Variants in CACNB2 observed in about 807,000 individuals in gnomAD.
The protein encoded by CACNB2 is voltage-dependent L-type calcium channel subunit beta-2.
CACNB2 carries 42 observed loss-of-function variants against 73.3 expected under a neutral mutation model. The observed-to-expected ratio is 0.57, with a 90% CI of 0.45 to 0.74. The LOEUF is 0.74. Ranked by LOEUF, CACNB2 falls within the 30% of genes least tolerant of loss-of-function variation. The pLI is 0.00. For missense variants in CACNB2, 940 were observed against 853.0 expected (o/e 1.10, Z -1.27); for synonymous variants, 348 against 310.3 (o/e 1.12, Z -1.28).
chr10:18,165,080 C>A lies in CACNB2; in HGVS notation c.213+14105C>A, dbSNP rs561709359. 1.3e-4 allele frequency among the ~76,000 whole-genome samples: 20 copies of A among 152,204 alleles called. No individual in the cohort carries two copies. The South Asian group carries it at 4.1e-3, about 32-fold the overall frequency. On this transcript the variant is annotated intron_variant, in intron 2 of 13. Coordinates refer to ENST00000324631, the MANE Select transcript of CACNB2 (RefSeq NM_201596.3). ...GTGAAGTCCAGCATTACGAGTTCTG[C>A]AAAAGAGCTGAATACAAAAATGTGG...
At chr10:18,225,751 C>T (rs1267574258) in intron 2 of CACNB2, among the ~76,000 whole-genome samples, 7 of 151,984 alleles carry the variant, frequency 4.6e-5, no homozygotes, top group South Asian at 2.1e-4. Flanking sequence ...ATGATCTTCC[C>T]ACCTCAGTCA....
chr10:18,513,485 C>A (rs2050973296), intron 6 of CACNB2: 1 of 288,460 alleles, frequency 3.5e-6, no homozygotes, highest in South Asian at 3.8e-5. Flanking sequence ...ATCTTCAAGT[C>A]CCTCGTCTCC....
At chr10:18,298,713 C>T (rs570354668) in intron 2 of CACNB2, among the ~76,000 whole-genome samples, 11 of 152,272 alleles carry the variant, frequency 7.2e-5, no homozygotes, top group African/African-American at 1.7e-4. Context: ...AGCAGGTCAC[C>T]GGACCTTTCA....
chr10:18,507,342 G>A (rs1288899968), intron 6 of CACNB2, among the ~76,000 whole-genome samples: 3 of 152,178 alleles, frequency 2.0e-5, no homozygotes, highest in African/African-American at 4.8e-5. Flanking sequence ...ATGAAAATGT[G>A]TGTGGGAACA....
intron 2 of CACNB2, among the ~76,000 whole-genome samples, chr10:18,364,593 C>T (rs1453161715): frequency 6.6e-6 from 1 of 152,188 alleles, no homozygotes; most frequent in East Asian, 1.9e-4. Context: ...AGCCACTTCG[C>T]CCAGCCAAGG....
At chr10:18,351,912 G>A (rs953508575) in intron 2 of CACNB2, among the ~76,000 whole-genome samples, 2 of 152,174 alleles carry the variant, frequency 1.3e-5, no homozygotes, top group African/African-American at 4.8e-5. Context: ...GGAAGAGAGT[G>A]ATGACATTTA....
chr10:18,330,507 G>A (rs2040757472), intron 2 of CACNB2, among the ~76,000 whole-genome samples: 1 of 152,044 alleles, frequency 6.6e-6, no homozygotes, highest in Admixed American at 6.6e-5. Flanking sequence ...GATTAGCCAG[G>A]TGTAGTGGTG....
At chr10:18,361,431 G>C (rs11013834) in intron 2 of CACNB2, among the ~76,000 whole-genome samples, 25,626 of 150,122 alleles carry the variant, frequency 0.17, 2,480 homozygotes, top group East Asian at 0.29. Flanking sequence ...TCCAGGAGGT[G>C]GAGGTTGCAG....
intron 6 of CACNB2, among the ~76,000 whole-genome samples, chr10:18,508,320 T>C (rs1276430289): frequency 2.0e-5 from 3 of 152,210 alleles, no homozygotes; most frequent in African/African-American, 7.2e-5. Context: ...TGAAAGGCCC[T>C]GTAGGTATTA....
chr10:18,189,535 T>C (rs1361769340), intron 2 of CACNB2, among the ~76,000 whole-genome samples: 1 of 152,218 alleles, frequency 6.6e-6, no homozygotes, highest in Admixed American at 6.5e-5. Context: ...TTCTATTTTG[T>C]TCAACAGAAT....
intron 2 of CACNB2, among the ~76,000 whole-genome samples, chr10:18,216,331 TAA>T (rs142171303): frequency 0.043 from 6,608 of 152,058 alleles, 311 homozygotes; most frequent in East Asian, 0.2. Flanking sequence ...AAAAATAAAC[TAA>T]GTCTTGAATG....
intron 2 of CACNB2, among the ~76,000 whole-genome samples, chr10:18,226,858 A>C (rs1157952125): frequency 6.6e-6 from 1 of 152,074 alleles, no homozygotes; most frequent in Non-Finnish European, 1.5e-5. Context: ...GTTTTGCCAC[A>C]CTGTACAGGT....
chr10:18,484,752 G>A (rs2048972191), intron 3 of CACNB2, among the ~76,000 whole-genome samples: 1 of 152,174 alleles, frequency 6.6e-6, no homozygotes, highest in Admixed American at 6.5e-5. Context: ...TAAACAGGTA[G>A]AAAGTAAAAT....
chr10:18,384,249 T>A (rs974953144), intron 2 of CACNB2, among the ~76,000 whole-genome samples: 3 of 152,308 alleles, frequency 2.0e-5, no homozygotes, highest in Non-Finnish European at 4.4e-5. Flanking sequence ...GCAACTTGAA[T>A]ATTTTTCATG....
At chr10:18,149,115 C>A (rs183481401) in intron 1 of CACNB2, among the ~76,000 whole-genome samples, 2 of 151,930 alleles carry the variant, frequency 1.3e-5, no homozygotes. Flanking sequence ...TCGCTACACC[C>A]CCAAAGAAAC....
chr10:18,504,092 C>G (rs74926423), intron 5 of CACNB2, among the ~76,000 whole-genome samples: 3,219 of 152,174 alleles, frequency 0.021, 52 homozygotes, highest in Non-Finnish European at 0.036. Context: ...GAAATCTTTC[C>G]CAAAATTGTT....
At chr10:18,389,278 A>C (rs1478825429) in intron 2 of CACNB2, among the ~76,000 whole-genome samples, 1 of 152,198 alleles carries the variant, frequency 6.6e-6, no homozygotes, top group Non-Finnish European at 1.5e-5. Flanking sequence ...CTAGGACTGC[A>C]GGTGTGTGCC....
chr10:18,262,825 A>G (rs986510991), intron 2 of CACNB2, among the ~76,000 whole-genome samples: 1 of 152,234 alleles, frequency 6.6e-6, no homozygotes, highest in Non-Finnish European at 1.5e-5. Flanking sequence ...CAACAAAGCA[A>G]CAAATTTTTA....
At chr10:18,258,928 T>C (rs1009713491) in intron 2 of CACNB2, among the ~76,000 whole-genome samples, 1 of 152,028 alleles carries the variant, frequency 6.6e-6, no homozygotes, top group Admixed American at 6.6e-5. Flanking sequence ...CAAGAGCCAA[T>C]TTACAGTGTA....
Sources: allele counts gnomAD v4.1 joint callset (sites outside exome capture counted in the v4.1 genomes callset), GRCh38; gene constraint gnomAD v4.1.1; transcripts MANE v1.5; gene names NCBI Gene and HGNC (gene_info 2026-07-23, HGNC 2026-07-21).